The following PRR14L variants were observed in gnomAD, a reference collection of about 807,000 sequenced individuals.
PRR14L encodes proline rich 14 like.
A neutral mutation model predicts 155.0 loss-of-function variants in PRR14L; 80 were observed. That is an observed-to-expected ratio of 0.52 (90% CI 0.43 to 0.62). PRR14L has a LOEUF of 0.62. Among genes scored for constraint, PRR14L ranks in the 20% least tolerant of loss-of-function variants. PRR14L has a pLI of 0.00. For synonymous variants in PRR14L, 883 were observed against 916.0 expected (o/e 0.96, Z 0.65); for missense variants, 2,469 against 2,548.0 (o/e 0.97, Z 0.67).
At chr22:31,690,794 A>G (rs1367409568) in intron 7 of PRR14L, among the ~76,000 whole-genome samples, 4 of 151,622 alleles carry the variant, frequency 2.6e-5, no homozygotes, top group Non-Finnish European at 5.9e-5. Flanking sequence ...GGCATGCACC[A>G]CCATGCCCAG....
At chr22:31,711,406 A>G (rs2147862101) in intron 4 of PRR14L, among the ~76,000 whole-genome samples, 1 of 151,192 alleles carries the variant, frequency 6.6e-6, no homozygotes, top group Admixed American at 6.6e-5. Flanking sequence ...GGGAGGCAGA[A>G]GTTGTGGTCA....
At position 31,681,946 on chromosome 22, in the gene PRR14L, A is replaced by G. The variant is rs1569496619; in HGVS notation, c.*3581T>C. 6.6e-6 allele frequency: 1 copy of G among 152,342 alleles called. No homozygotes were observed. The highest frequency in any genetic ancestry group is 1.9e-4 in the East Asian group (1 of 5,180). 9.4% of individuals were successfully genotyped at this position (152,342 alleles called of 1,614,324 possible). Reference sequence around the variant, plus strand: ...GACACCAGGGGAAAAGCTTACAGAAACAAAACAGAACAAGGGAATTACAGA... The same window carrying G: ...GACACCAGGGGAAAAGCTTACAGAAGCAAAACAGAACAAGGGAATTACAGA... On this transcript the variant is annotated 3_prime_UTR_variant, in exon 9 of 9. Coordinates refer to ENST00000327423, the MANE Select transcript of PRR14L (RefSeq NM_173566.3).
rs66721130 is a variant in PRR14L, at chr22:31,742,367, C to CT, written c.-51-3457dup. Among the ~76,000 whole-genome samples the CT allele has an allele frequency of 3.7e-3, 535 of 143,096 alleles. 5 individuals carry two copies. Among genetic ancestry groups the CT allele is most frequent in the East Asian group, 0.03 (151 of 4,984 alleles). 93.9% of individuals were successfully genotyped at this position (143,096 alleles called of 152,430 possible). A position where few individuals can be genotyped will look rare whatever the true frequency, so the allele number is the denominator to read the frequency against. ...TAATGAGGATGACTCAAAACTCTTCCTTTTTTTTTTTTTTGAGATGGAGTC... is the reference window on the plus strand; with the variant it reads ...TAATGAGGATGACTCAAAACTCTTCCTTTTTTTTTTTTTTTGAGATGGAGTC... On this transcript the variant is annotated intron_variant, in intron 1 of 8. Transcript: ENST00000327423.
intron 7 of PRR14L, among the ~76,000 whole-genome samples, chr22:31,689,745 TTTTA>T (rs2074501163): frequency 6.6e-6 from 1 of 152,006 alleles, no homozygotes; most frequent in African/African-American, 2.4e-5. Context: ...TATTTTTTTA[TTTTA>T]TTTATTTATT....
At chr22:31,692,087 C>T (rs933415600) in intron 7 of PRR14L, among the ~76,000 whole-genome samples, 1 of 151,832 alleles carries the variant, frequency 6.6e-6, no homozygotes, top group Non-Finnish European at 1.5e-5. Flanking sequence ...AGGCTGGTCT[C>T]GAACTCCTGA....
At chr22:31,699,602 T>C (rs1269473010) in intron 7 of PRR14L, among the ~76,000 whole-genome samples, 2 of 152,230 alleles carry the variant, frequency 1.3e-5, no homozygotes, top group Non-Finnish European at 2.9e-5. Flanking sequence ...GGAGAAGAGA[T>C]AGTCAACCTG....
intron 4 of PRR14L, among the ~76,000 whole-genome samples, chr22:31,708,281 G>A (rs1049267607): frequency 2.0e-5 from 3 of 151,936 alleles, no homozygotes; most frequent in African/African-American, 7.3e-5. Context: ...TCAGTTTTCT[G>A]CTAAGATGCT....
intron 7 of PRR14L, among the ~76,000 whole-genome samples, chr22:31,695,072 G>C (rs944625812): frequency 7.2e-5 from 11 of 152,102 alleles, no homozygotes; most frequent in African/African-American, 2.7e-4. Context: ...GACAGAGCCA[G>C]ACTCCATCAA....
At chr22:31,701,936 G>T (rs2074564995) in intron 6 of PRR14L, among the ~76,000 whole-genome samples, 174 bp from the exon 7 acceptor site, 1 of 152,100 alleles carries the variant, frequency 6.6e-6, no homozygotes, top group Non-Finnish European at 1.5e-5. Flanking sequence ...GCCTCCCAAA[G>T]CGCTGGGGTT....
At chr22:31,690,064 G>A (rs906119096) in intron 7 of PRR14L, among the ~76,000 whole-genome samples, 5 of 152,088 alleles carry the variant, frequency 3.3e-5, no homozygotes, top group South Asian at 2.1e-4. Context: ...CTACGGGTGC[G>A]TGTCACCACA....
At chr22:31,723,820 TCA>T (rs1440798015) in intron 3 of PRR14L, among the ~76,000 whole-genome samples, 2 of 152,266 alleles carry the variant, frequency 1.3e-5, no homozygotes, top group African/African-American at 4.8e-5. Context: ...ATCTGATGTT[TCA>T]TCACAGTAAC....
intron 1 of PRR14L, among the ~76,000 whole-genome samples, chr22:31,749,553 G>A (rs2074860492): frequency 6.6e-6 from 1 of 152,186 alleles, no homozygotes; most frequent in African/African-American, 2.4e-5. Flanking sequence ...CCAAAGTTGG[G>A]GGAAAGGTCT....
chr22:31,694,720 C>A (rs7284098), intron 7 of PRR14L, among the ~76,000 whole-genome samples: 3,541 of 151,414 alleles, frequency 0.023, 116 homozygotes, highest in African/African-American at 0.072. Context: ...CCACTGCACT[C>A]CAGCCTGGGT....
intron 6 of PRR14L, among the ~76,000 whole-genome samples, chr22:31,702,540 G>A (rs2074567893): frequency 6.6e-6 from 1 of 151,544 alleles, no homozygotes; most frequent in Non-Finnish European, 1.5e-5. Flanking sequence ...TTTTGAGATG[G>A]AGTCTCACTC....
chr22:31,694,361 C>A (rs1183987919), intron 7 of PRR14L, among the ~76,000 whole-genome samples: 1 of 152,064 alleles, frequency 6.6e-6, no homozygotes, highest in Non-Finnish European at 1.5e-5. Flanking sequence ...TGAGCTACCA[C>A]GCCCGGCCAG....
chr22:31,721,675 A>G (rs2074691062), intron 3 of PRR14L, among the ~76,000 whole-genome samples: 1 of 152,250 alleles, frequency 6.6e-6, no homozygotes, highest in South Asian at 2.1e-4. Context: ...ATATTTCAAA[A>G]TAGCCAGAAG....
intron 1 of PRR14L, among the ~76,000 whole-genome samples, chr22:31,748,268 G>A (rs867008970): frequency 6.6e-6 from 1 of 152,202 alleles, no homozygotes; most frequent in African/African-American, 2.4e-5. Flanking sequence ...AAAGAAAGAA[G>A]AGTTTTTTAA....
chr22:31,706,243 A>G (rs542950012), intron 4 of PRR14L, among the ~76,000 whole-genome samples: 22 of 150,272 alleles, frequency 1.5e-4, no homozygotes, highest in African/African-American at 5.4e-4. Flanking sequence ...AGGCAGGAGA[A>G]TTGCTTGAAC....
At chr22:31,717,363 A>C in intron 3 of PRR14L, 72 bp from the exon 4 acceptor site, 1 of 1,220,486 alleles carries the variant, frequency 8.2e-7, no homozygotes, top group Non-Finnish European at 1.1e-6. Context: ...CATGCATTTT[A>C]TTATGCTATG....
Sources: allele counts gnomAD v4.1 joint callset (sites outside exome capture counted in the v4.1 genomes callset), GRCh38; gene constraint gnomAD v4.1.1; transcripts MANE v1.5; gene names NCBI Gene and HGNC (gene_info 2026-07-23, HGNC 2026-07-21).